The following MIPEP variants were observed in gnomAD, a reference collection of about 807,000 sequenced individuals.
MIPEP encodes the protein mitochondrial intermediate peptidase.
In MIPEP, 79 loss-of-function variants were observed where a neutral mutation model predicts 90.3. The observed-to-expected ratio is 0.87, with a 90% CI of 0.73 to 1.05. The LOEUF is 1.05. MIPEP is among the 50% of genes least tolerant of loss of function. MIPEP has a pLI of 0.00. For synonymous variants in MIPEP, 334 were observed against 315.8 expected, an observed-to-expected ratio of 1.06 and a Z score of -0.61; for missense variants, 940 against 905.6, an observed-to-expected ratio of 1.04 and a Z score of -0.49.
chr13:23,737,497 C>T (rs74813909), intron 18 of MIPEP, among the ~76,000 whole-genome samples: 3,130 of 152,232 alleles, frequency 0.021, 102 homozygotes, highest in African/African-American at 0.07. Flanking sequence ...GGGCTCCTAA[C>T]TATGCATATT....
chr13:23,823,132 A>G (rs1440726713), intron 14 of MIPEP, among the ~76,000 whole-genome samples: 5 of 152,106 alleles, frequency 3.3e-5, no homozygotes, highest in African/African-American at 1.2e-4. Context: ...AACAAAGATG[A>G]GCAAACTTAA....
chr13:23,835,968 T>C (rs1421876780), intron 14 of MIPEP, among the ~76,000 whole-genome samples: 3 of 152,218 alleles, frequency 2.0e-5, no homozygotes, highest in Non-Finnish European at 4.4e-5. Context: ...ATAAAGTGTC[T>C]TCCTTATGGG....
intron 10 of MIPEP, among the ~76,000 whole-genome samples, chr13:23,858,172 T>C (rs751057586): frequency 4.6e-5 from 7 of 152,008 alleles, no homozygotes; most frequent in Non-Finnish European, 1.0e-4. Context: ...CTATAAACAT[T>C]TTAAAGTGTG....
intron 7 of MIPEP, among the ~76,000 whole-genome samples, chr13:23,866,190 G>C (rs1442009635): frequency 6.6e-6 from 1 of 152,046 alleles, no homozygotes; most frequent in Non-Finnish European, 1.5e-5. Flanking sequence ...AGCCACAGAT[G>C]CATCTGACAA....
intron 10 of MIPEP, among the ~76,000 whole-genome samples, chr13:23,857,599 A>AT (rs1478638199): frequency 6.6e-6 from 1 of 152,196 alleles, no homozygotes; most frequent in Admixed American, 6.5e-5. Context: ...AAAAATAAAA[A>AT]TAAAAAATAG....
intron 16 of MIPEP, among the ~76,000 whole-genome samples, chr13:23,770,695 G>A (rs1417298711): frequency 2.6e-5 from 4 of 152,024 alleles, no homozygotes; most frequent in East Asian, 3.9e-4. Flanking sequence ...ACCAGAGACC[G>A]CCACTGCCCC....
At chr13:23,734,722 C>G (rs550692393) in intron 18 of MIPEP, among the ~76,000 whole-genome samples, 1 of 152,290 alleles carries the variant, frequency 6.6e-6, no homozygotes, top group Admixed American at 6.5e-5. Context: ...AGCTGCTGTT[C>G]CCCATTCGAC....
chr13:23,815,972 G>A (rs76262602), intron 14 of MIPEP, among the ~76,000 whole-genome samples: 1 of 152,276 alleles, frequency 6.6e-6, no homozygotes, highest in African/African-American at 2.4e-5. Flanking sequence ...TGTATCTCAT[G>A]CTATAAGTCT....
chr13:23,843,004 A>T (rs898658382), intron 10 of MIPEP, among the ~76,000 whole-genome samples: 5 of 150,478 alleles, frequency 3.3e-5, no homozygotes, highest in South Asian at 2.1e-4. Flanking sequence ...AGGCTGAGGC[A>T]GAGAATTGCT....
intron 10 of MIPEP, among the ~76,000 whole-genome samples, chr13:23,853,201 A>G (rs1869883808): frequency 6.6e-6 from 1 of 152,310 alleles, no homozygotes; most frequent in African/African-American, 2.4e-5. Context: ...TACAGTGTCT[A>G]TAAAGTCAAT....
At chr13:23,755,381 G>A (rs1344953100) in intron 18 of MIPEP, among the ~76,000 whole-genome samples, 1 of 152,234 alleles carries the variant, frequency 6.6e-6, no homozygotes, top group Non-Finnish European at 1.5e-5. Context: ...ATGAATGGCT[G>A]AAGGCAAGAA....
At chr13:23,823,269 C>CA (rs1782983528) in intron 14 of MIPEP, among the ~76,000 whole-genome samples, 1 of 152,154 alleles carries the variant, frequency 6.6e-6, no homozygotes, top group South Asian at 2.1e-4. Context: ...AACAAAATCT[C>CA]AGAGTATCCT....
intron 16 of MIPEP, among the ~76,000 whole-genome samples, chr13:23,780,764 CTGA>C (rs1221833688): frequency 7.2e-5 from 11 of 152,238 alleles, no homozygotes; most frequent in African/African-American, 2.6e-4. Context: ...CTTAAATGAC[CTGA>C]TGGAGTTGAA....
chr13:23,834,453 T>A lies in MIPEP; in HGVS notation c.1653+1787A>T, dbSNP rs117752582. 2.6e-4 allele frequency among the ~76,000 whole-genome samples: 40 copies of A among 152,270 alleles called. 1 individual carries two copies. In the East Asian group the frequency reaches 7.0e-3, roughly 27 times the overall value. On this transcript the variant is annotated intron_variant, in intron 14 of 18. Coordinates refer to ENST00000382172, the MANE Select transcript of MIPEP (RefSeq NM_005932.4). ...TCGGGCGGTAACACCCTAGTCAGGC[T>A]CTGTCTCAGTTCCCCTAGGAATTAA...
rs142577199 is a variant in MIPEP, at chr13:23,800,625, A to T, written c.1848+5325T>A. On this transcript the variant is annotated intron_variant, in intron 16 of 18. Coordinates refer to ENST00000382172, the MANE Select transcript of MIPEP (RefSeq NM_005932.4). ...TACAGAGTGACTCAGCATGCACACA[A>T]ATATCAATAAATTGCCGACACTAGA... 1.4e-4 allele frequency among the ~76,000 whole-genome samples: 21 copies of T among 152,348 alleles called. No homozygotes were observed. In the East Asian group the frequency reaches 4.0e-3, roughly 29 times the overall value.
intron 16 of MIPEP, chr13:23,766,066 T>C (rs1209359110): frequency 6.6e-6 from 1 of 152,258 alleles, no homozygotes; most frequent in Non-Finnish European, 1.5e-5. Context: ...AGTATTTTTC[T>C]TCGCCGGATT....
chr13:23,782,161 A>G (rs1475766621), intron 16 of MIPEP, among the ~76,000 whole-genome samples: 1 of 152,228 alleles, frequency 6.6e-6, no homozygotes. Flanking sequence ...CATTCTTCTC[A>G]GCACCACATC....
intron 9 of MIPEP, among the ~76,000 whole-genome samples, chr13:23,861,311 G>T (rs1689028334): frequency 6.6e-6 from 1 of 152,130 alleles, no homozygotes; most frequent in African/African-American, 2.4e-5. Context: ...AACACATTTT[G>T]TTTTTTATTT....
intron 2 of MIPEP, among the ~76,000 whole-genome samples, chr13:23,882,528 C>A (rs1348474865): frequency 6.6e-6 from 1 of 152,146 alleles, no homozygotes; most frequent in Non-Finnish European, 1.5e-5. Flanking sequence ...GCTACTACTG[C>A]TGCTGCTACT....
Sources: gnomAD v4.1 joint callset for allele counts (sites outside exome capture counted in the v4.1 genomes callset) on GRCh38, gnomAD v4.1.1 for gene constraint, MANE v1.5 for transcripts, NCBI Gene and HGNC (gene_info 2026-07-23, HGNC 2026-07-21) for gene names.